The following CDH4 variants were observed in gnomAD, a reference collection of about 807,000 sequenced individuals.
CDH4 encodes the protein cadherin-4.
Under a neutral mutation model 86.0 loss-of-function variants are expected in CDH4, and 33 were observed. The ratio of observed to expected loss-of-function variants is 0.38; its 90% confidence interval spans 0.29 to 0.51. The LOEUF (loss-of-function observed/expected upper bound fraction) is 0.51. Among genes scored for constraint, CDH4 ranks in the 20% least tolerant of loss-of-function variants. The probability of loss-of-function intolerance (pLI) is 0.86; values close to 1 mark genes in which losing one functional copy is unlikely to be tolerated. For synonymous variants in CDH4, 555 were observed against 549.4 expected (o/e 1.01, Z -0.14); for missense variants, 1,114 against 1,307.4 (o/e 0.85, Z 2.28).
chr20:61,814,479 C>T (rs1375530607), intron 4 of CDH4, among the ~76,000 whole-genome samples: 1 of 152,224 alleles, frequency 6.6e-6, no homozygotes, highest in East Asian at 1.9e-4. Flanking sequence ...CAGCCCCTCA[C>T]ACCCACGCTC....
intron 13 of CDH4, 104 bp downstream of exon 13, chr20:61,929,946 C>T (rs1305209445): frequency 1.8e-5 from 15 of 834,648 alleles, no homozygotes; most frequent in Non-Finnish European, 2.7e-5. Flanking sequence ...CCTCAGCCCT[C>T]ATCTCTCAGC....
chr20:61,784,933 G>C (rs1162775611), intron 4 of CDH4, among the ~76,000 whole-genome samples: 2 of 152,094 alleles, frequency 1.3e-5, no homozygotes, highest in African/African-American at 4.8e-5. Context: ...CTCCTTCCTG[G>C]CCTCCAGCTC....
intron 2 of CDH4, among the ~76,000 whole-genome samples, chr20:61,734,468 A>T (rs188598690): frequency 2.0e-4 from 31 of 152,374 alleles, no homozygotes; most frequent in Admixed American, 1.1e-3. Flanking sequence ...CGCTTGTGAC[A>T]TGCTTTGCAT....
intron 2 of CDH4, among the ~76,000 whole-genome samples, chr20:61,257,676 C>T (rs1210476694): frequency 1.3e-5 from 2 of 152,244 alleles, no homozygotes; most frequent in Non-Finnish European, 2.9e-5. Flanking sequence ...TTGCCTTAGG[C>T]TAAAATGCAG....
rs1423828066 is a variant in CDH4, at chr20:61,399,218, C to T, written c.169+144281C>T. On this transcript the variant is annotated intron_variant, in intron 2 of 15. Coordinates refer to ENST00000614565, the MANE Select transcript of CDH4 (RefSeq NM_001794.5). ...CGCAATCTCGGCTCACTGCAAGCTC[C>T]GCTTCCCGGGTTCACGCCATTCTCC... Among the ~76,000 whole-genome samples the T allele has an allele frequency of 1.3e-4, 7 of 53,400 alleles. 2 individuals carry two copies. The highest frequency in any genetic ancestry group is 2.5e-4 in the Non-Finnish European group (7 of 28,254). The allele number at this position is 53,400 out of a possible 152,430, so 35.0% of individuals were successfully genotyped here. A position where few individuals can be genotyped will look rare whatever the true frequency, so the allele number is the denominator to read the frequency against.
chr20:61,932,627 TCATA>T (rs1180182863), intron 13 of CDH4, among the ~76,000 whole-genome samples: 3 of 152,128 alleles, frequency 2.0e-5, no homozygotes, highest in African/African-American at 4.8e-5. Context: ...GTGCAAGCCT[TCATA>T]CACACGTCCT....
intron 9 of CDH4, among the ~76,000 whole-genome samples, chr20:61,917,635 C>T (rs1018971356): frequency 1.3e-5 from 2 of 152,100 alleles, no homozygotes; most frequent in Admixed American, 6.5e-5. Flanking sequence ...CCTGGTGTGT[C>T]CCCACCTGGT....
intron 4 of CDH4, among the ~76,000 whole-genome samples, chr20:61,776,578 G>A (rs564740904): frequency 6.6e-6 from 1 of 152,330 alleles, no homozygotes; most frequent in Admixed American, 6.5e-5. Context: ...TCACCTCCAT[G>A]CCCAGAACGT....
intron 2 of CDH4, among the ~76,000 whole-genome samples, chr20:61,432,908 G>A (rs759452526): frequency 2.1e-5 from 3 of 144,792 alleles, no homozygotes; most frequent in African/African-American, 7.7e-5. Context: ...GTGTGATCTC[G>A]GATCACTGCA....
At chr20:61,420,928 T>G (rs1415747464) in intron 2 of CDH4, among the ~76,000 whole-genome samples, 1 of 152,208 alleles carries the variant, frequency 6.6e-6, no homozygotes, top group Non-Finnish European at 1.5e-5. Flanking sequence ...GTGACCCAGG[T>G]ATCCACACAC....
rs1021355063 is a variant in CDH4 at position 61,468,203 on chromosome 20, C to T, written c.169+213266C>T. 6.6e-5 allele frequency among the ~76,000 whole-genome samples: 10 copies of T among 152,118 alleles called. 1 individual carries two copies. Among genetic ancestry groups the T allele is most frequent in the Non-Finnish European group, 1.5e-4 (10 of 68,032 alleles). The stretch of plus-strand genomic sequence containing the variant: ...CTGGGAGCCAACTGATTCTGTATGA[C>T]CCAAACCTCCACCCCATATCACATT... On this transcript the variant is annotated intron_variant, in intron 2 of 15. Transcript: ENST00000614565.
Position 61,831,648 on chromosome 20 carries a change from T to G in CDH4, c.577-13020T>G, listed in dbSNP as rs193238991. ...AAAGCAAATGTCCGGCAGGCCACAG[T>G]GCAGCCTCCTCCCCCTCAGGACCCC... On this transcript the variant is annotated intron_variant, in intron 4 of 15. Coordinates refer to ENST00000614565, the MANE Select transcript of CDH4 (RefSeq NM_001794.5). 1.2e-3 allele frequency among the ~76,000 whole-genome samples: 185 copies of G among 152,318 alleles called. 1 individual carries two copies. The highest frequency in any genetic ancestry group is 0.01 in the Middle Eastern group (3 of 294).
intron 7 of CDH4, among the ~76,000 whole-genome samples, chr20:61,889,608 GTGGATAGATGA>G (rs1438661683): frequency 9.0e-5 from 1 of 11,152 alleles, no homozygotes; most frequent in Non-Finnish European, 2.6e-4. Flanking sequence ...TGGATGATGG[GTGGATAGATGA>G]TGGATGGATG....
intron 2 of CDH4, among the ~76,000 whole-genome samples, chr20:61,296,046 G>C (rs2084350156): frequency 1.3e-5 from 2 of 152,148 alleles, no homozygotes; most frequent in African/African-American, 4.8e-5. Flanking sequence ...GTTAATGGCC[G>C]AGCCAGGACG....
At chr20:61,437,411 T>G (rs1420236550) in intron 2 of CDH4, 2 of 152,252 alleles carry the variant, frequency 1.3e-5, no homozygotes, top group Non-Finnish European at 2.9e-5. Context: ...TGTCTCCCTG[T>G]GACGCAGCAA....
In CDH4 at chr20:61,303,780, C is replaced by T. The variant is rs3893406; in HGVS notation, c.169+48843C>T. 3.6e-3 allele frequency among the ~76,000 whole-genome samples: 546 copies of T among 152,270 alleles called. 5 individuals carry two copies. Among genetic ancestry groups the T allele is most frequent in the African/African-American group, 0.012 (519 of 41,528 alleles). On this transcript the variant is annotated intron_variant, in intron 2 of 15. Transcript: ENST00000614565. ...GTGCATCTGTGCCCACCCCCAGGCC[C>T]GGGACACGGAGGCACCAGTGGGAGG...
intron 4 of CDH4, among the ~76,000 whole-genome samples, chr20:61,800,797 G>A (rs1442937425): frequency 6.6e-6 from 1 of 152,226 alleles, no homozygotes; most frequent in Non-Finnish European, 1.5e-5. Context: ...GGAACTCCCT[G>A]CCTTCCCTTG....
Position 61,252,534 on chromosome 20 carries a change from GC to G in CDH4, c.22del (p.Leu8SerfsTer36). MTAGAGV[L>X]LLLLSLSGAL... is the part of the protein sequence containing the mutation. ...GGAAGATGACCGCGGGCGCCGGCGT[GC>G]TCCTTCTGCTGCTCTCGCTCTCCGG... On this transcript the variant is annotated frameshift_variant, in exon 1 of 16. Transcript: ENST00000614565. LOFTEE classifies it high-confidence loss of function. The surrounding 1 kb of genome is among the most constrained non-coding windows in gnomAD (Gnocchi z 4.4). The G allele has an allele frequency of 8.3e-7, 1 of 1,198,704 alleles. No individual in the cohort carries two copies. Among genetic ancestry groups the G allele is most frequent in the Non-Finnish European group, 1.0e-6 (1 of 966,826 alleles). 74.3% of individuals were successfully genotyped at this position (1,198,704 alleles called of 1,614,324 possible).
intron 2 of CDH4, among the ~76,000 whole-genome samples, chr20:61,280,520 C>G (rs566799258): frequency 1.4e-3 from 217 of 152,360 alleles, no homozygotes; most frequent in African/African-American, 4.8e-3. Flanking sequence ...TCTCACGAAT[C>G]TTCCTTTTTC....
Sources: gnomAD v4.1 joint callset for allele counts (sites outside exome capture counted in the v4.1 genomes callset) on GRCh38, gnomAD v4.1.1 for gene constraint, Gnocchi (gnomAD v3.1) non-coding constraint, MANE v1.5 for transcripts, NCBI Gene and HGNC (gene_info 2026-07-23, HGNC 2026-07-21) for gene names.